The following QRFPR variants were observed in gnomAD, a reference collection of about 807,000 sequenced individuals.
QRFPR encodes pyroglutamylated RF-amide peptide receptor.
Under a neutral mutation model 31.3 loss-of-function variants are expected in QRFPR, and 37 were observed. The ratio of observed to expected loss-of-function variants is 1.18; its 90% CI spans 0.91 to 1.56. The LOEUF (loss-of-function observed/expected upper bound fraction) is 1.56. Among genes scored for constraint, QRFPR ranks in the 40% most tolerant of loss-of-function variants. The pLI is 0.00. For synonymous variants in QRFPR, 197 were observed against 192.0 expected, an observed-to-expected ratio of 1.03 and a Z score of -0.22; for missense variants, 542 against 532.5, an observed-to-expected ratio of 1.02 and a Z score of -0.18.
chr4:121,365,620 A>G (rs867497348), intron 1 of QRFPR, among the ~76,000 whole-genome samples: 1 of 9,154 alleles, frequency 1.1e-4, no homozygotes, highest in Non-Finnish European at 1.7e-4. Context: ...TATTATATAT[A>G]TTATATATTA....
chr4:121,336,749 T>C (rs1725443533), intron 3 of QRFPR, 58 bp downstream of exon 3: 2 of 1,345,940 alleles, frequency 1.5e-6, no homozygotes, highest in Non-Finnish European at 2.1e-6. Flanking sequence ...ATAATTACAA[T>C]TAAGAGGGGT....
intron 1 of QRFPR, among the ~76,000 whole-genome samples, chr4:121,378,552 T>G (rs75937136): frequency 0.029 from 4,481 of 151,948 alleles, 112 homozygotes; most frequent in South Asian, 0.12. Context: ...CAGCTGGGAC[T>G]ATAGGTGCGT....
At chr4:121,331,093 G>A (rs556461341) in intron 4 of QRFPR, among the ~76,000 whole-genome samples, 10 of 147,016 alleles carry the variant, frequency 6.8e-5, no homozygotes, top group South Asian at 4.4e-4. Context: ...TGGCAAAAAC[G>A]CATCTCTACC....
chr4:121,341,514 G>A (rs1469966049), intron 1 of QRFPR, among the ~76,000 whole-genome samples: 1 of 152,156 alleles, frequency 6.6e-6, no homozygotes, highest in Non-Finnish European at 1.5e-5. Flanking sequence ...CCCAAAACCT[G>A]AAATCTGAAA....
intron 1 of QRFPR, among the ~76,000 whole-genome samples, chr4:121,351,558 G>T (rs1725761083): frequency 6.6e-6 from 1 of 152,032 alleles, no homozygotes; most frequent in East Asian, 1.9e-4. Context: ...TAAACATTAG[G>T]ACAGTAAAGC....
At chr4:121,369,574 G>A in intron 1 of QRFPR, 1 of 1,611,206 alleles carries the variant, frequency 6.2e-7, no homozygotes. Context: ...GGTTGGCCTG[G>A]GCACGGATCA....
intron 1 of QRFPR, among the ~76,000 whole-genome samples, chr4:121,375,253 C>T (rs530246853): frequency 1.7e-4 from 26 of 152,308 alleles, no homozygotes; most frequent in Middle Eastern, 6.8e-3. Context: ...GACTCAAACC[C>T]ATCAGACTGT....
rs374583998 is a variant in QRFPR at position 121,336,882 on chromosome 4, A to G, written c.500-14T>C. ...GCCAGACCACACCTGTAAAAGTGTT[A>G]AAGTCATGAGAGTATGACTCAGTTG... On this transcript the variant is annotated splice_polypyrimidine_tract_variant and intron_variant, in intron 2 of 5. Coordinates refer to ENST00000394427, the MANE Select transcript of QRFPR (RefSeq NM_198179.3). 1 of 1,612,396 alleles carries G rather than the reference A, an allele frequency of 6.2e-7. No individual in the cohort carries two copies. The highest frequency in any genetic ancestry group is 8.5e-7 in the Non-Finnish European group (1 of 1,178,358).
intron 1 of QRFPR, among the ~76,000 whole-genome samples, chr4:121,344,290 C>T (rs1178686348): frequency 3.9e-5 from 6 of 152,172 alleles, no homozygotes; most frequent in Admixed American, 2.6e-4. Context: ...CCTTCCATTA[C>T]GTCACCCTCA....
At chr4:121,331,907 C>CCCCCA (rs1326029287) in intron 4 of QRFPR, among the ~76,000 whole-genome samples, 3 of 152,108 alleles carry the variant, frequency 2.0e-5, no homozygotes, top group Non-Finnish European at 1.5e-5. Flanking sequence ...CCCACCTCGG[C>CCCCCA]CCCCCAAATT....
Position 121,380,735 on chromosome 4 carries a change from C to A in QRFPR, c.-88G>T, listed in dbSNP as rs548138109. 1.5e-5 allele frequency: 18 copies of A among 1,231,720 alleles called. No homozygotes were observed. In the East Asian group the frequency reaches 3.8e-4, roughly 26 times the overall value. 76.3% of individuals were successfully genotyped at this position (1,231,720 alleles called of 1,614,324 possible). On this transcript the variant is annotated 5_prime_UTR_variant, in exon 1 of 6. Coordinates refer to ENST00000394427, the MANE Select transcript of QRFPR (RefSeq NM_198179.3). ...GGCAGCGAGGGCTTCGGGGGACCAG[C>A]CGGAGGCCGCCTCCCTTCCTCTACT...
chr4:121,340,612 T>C lies in QRFPR; in HGVS notation c.341-2A>G. 6.2e-7 allele frequency: 1 copy of C among 1,612,982 alleles called. No individual in the cohort carries two copies. The highest frequency in any genetic ancestry group is 8.5e-7 in the Non-Finnish European group (1 of 1,179,184). On this transcript the variant is annotated splice_acceptor_variant, in intron 1 of 5. Coordinates refer to ENST00000394427, the MANE Select transcript of QRFPR (RefSeq NM_198179.3). LOFTEE classifies it high-confidence loss of function. The stretch of plus-strand genomic sequence containing the variant: ...GCACCATCTTGCAAATGAAAGCACC[T>C]GCAGTAAGGAAATAGGACAAATCAT...
At chr4:121,331,293 T>C (rs1725320815) in intron 4 of QRFPR, among the ~76,000 whole-genome samples, 1 of 142,360 alleles carries the variant, frequency 7.0e-6, no homozygotes, top group Non-Finnish European at 1.5e-5. Flanking sequence ...TAAGTGATCC[T>C]CCCACCTCAG....
In QRFPR at chr4:121,369,029, T is replaced by C. The variant is rs142661287; in HGVS notation, c.340+11279A>G. 4.6e-3 allele frequency among the ~76,000 whole-genome samples: 707 copies of C among 152,270 alleles called. 5 individuals are homozygous for C. Among genetic ancestry groups the C allele is most frequent in the African/African-American group, 0.015 (630 of 41,560 alleles). Reference sequence around the variant, plus strand: ...CCTCAATTTAACAGGTTTTTTACTTTATTTATTTATTTATTTAGAGACGGA... The same window carrying C: ...CCTCAATTTAACAGGTTTTTTACTTCATTTATTTATTTATTTAGAGACGGA... On this transcript the variant is annotated intron_variant, in intron 1 of 5. Transcript: ENST00000394427.
chr4:121,331,454 G>A (rs1725323731), intron 4 of QRFPR, among the ~76,000 whole-genome samples: 2 of 151,292 alleles, frequency 1.3e-5, no homozygotes, highest in South Asian at 4.2e-4. Context: ...AAAGTGCTGG[G>A]ATTCCAGGTG....
intron 1 of QRFPR, among the ~76,000 whole-genome samples, chr4:121,361,703 G>A (rs866184506): frequency 6.7e-6 from 1 of 150,180 alleles, no homozygotes; most frequent in African/African-American, 2.5e-5. Context: ...TAAACAGCAC[G>A]AAAAGTTCAC....
chr4:121,343,009 T>C (rs1725572581), intron 1 of QRFPR, among the ~76,000 whole-genome samples: 1 of 152,220 alleles, frequency 6.6e-6, no homozygotes, highest in African/African-American at 2.4e-5. Context: ...TCTCATTTGC[T>C]ATGCTTTTCA....
chr4:121,335,583 G>GA (rs1296351554), intron 3 of QRFPR, among the ~76,000 whole-genome samples: 2 of 81,660 alleles, frequency 2.4e-5, no homozygotes, highest in East Asian at 1.2e-3. Context: ...GGGGGTGGGG[G>GA]GTGGGGCGGG....
At chr4:121,356,667 G>A (rs541636335) in intron 1 of QRFPR, among the ~76,000 whole-genome samples, 1 of 152,280 alleles carries the variant, frequency 6.6e-6, no homozygotes, top group South Asian at 2.1e-4. Context: ...TAGGTACACT[G>A]CTCTGATGGA....
Sources: allele counts gnomAD v4.1 joint callset (sites outside exome capture counted in the v4.1 genomes callset), GRCh38; gene constraint gnomAD v4.1.1; transcripts MANE v1.5; gene names NCBI Gene and HGNC (gene_info 2026-07-23, HGNC 2026-07-21).